Variants in STK39 observed in about 807,000 individuals in gnomAD.
STK39 encodes serine/threonine kinase 39.
In STK39, 20 loss-of-function variants were observed where a neutral mutation model predicts 77.8. The ratio of observed to expected loss-of-function variants is 0.26; its 90% CI spans 0.18 to 0.37. The LOEUF is 0.37. Among genes scored for constraint, STK39 ranks in the 10% least tolerant of loss-of-function variants. STK39 has a pLI of 1.00. For missense variants in STK39, 479 were observed against 656.5 expected (o/e 0.73, Z 2.95); for synonymous variants, 246 against 234.1 (o/e 1.05, Z -0.47).
At chr2:168,173,774 C>G (rs1453045264) in intron 2 of STK39, among the ~76,000 whole-genome samples, 1 of 152,152 alleles carries the variant, frequency 6.6e-6, no homozygotes, top group Non-Finnish European at 1.5e-5. Flanking sequence ...GTCTTGAACT[C>G]CTGACCTCAG....
intron 17 of STK39, among the ~76,000 whole-genome samples, chr2:167,956,948 C>T (rs1416757011): frequency 6.6e-6 from 1 of 151,984 alleles, no homozygotes; most frequent in Non-Finnish European, 1.5e-5. Flanking sequence ...GGAAACGTGC[C>T]CTTTCCAATC....
intron 1 of STK39, among the ~76,000 whole-genome samples, chr2:168,244,711 T>A (rs1449705905): frequency 6.6e-6 from 1 of 152,232 alleles, no homozygotes; most frequent in Non-Finnish European, 1.5e-5. Flanking sequence ...TCCAGCAATT[T>A]GATTTTTCAA....
At chr2:168,166,239 T>C (rs1167546354) in intron 3 of STK39, among the ~76,000 whole-genome samples, 3 of 152,154 alleles carry the variant, frequency 2.0e-5, no homozygotes, top group African/African-American at 7.2e-5. Flanking sequence ...GAAGATTAAA[T>C]GGGATAAGGT....
At chr2:168,071,728 G>A (rs1166242686) in intron 12 of STK39, among the ~76,000 whole-genome samples, 3 of 152,032 alleles carry the variant, frequency 2.0e-5, no homozygotes, top group Non-Finnish European at 4.4e-5. Context: ...AATTAGCTAG[G>A]CATGGTGGCA....
chr2:168,051,548 T>C (rs1439498998), intron 14 of STK39, among the ~76,000 whole-genome samples: 1 of 152,180 alleles, frequency 6.6e-6, no homozygotes, highest in Non-Finnish European at 1.5e-5. Context: ...TGGTCTACCA[T>C]GCAAGACTGA....
chr2:167,986,254 C>T (rs549241819), intron 16 of STK39, among the ~76,000 whole-genome samples: 9 of 152,166 alleles, frequency 5.9e-5, no homozygotes, highest in South Asian at 4.1e-4. Flanking sequence ...TTTGAAAGAA[C>T]GACAGGAGAA....
At chr2:168,085,178 T>C (rs1207389833) in intron 10 of STK39, among the ~76,000 whole-genome samples, 1 of 152,260 alleles carries the variant, frequency 6.6e-6, no homozygotes, top group Non-Finnish European at 1.5e-5. Context: ...CCTAAACTTT[T>C]GCTGGCAGGA....
intron 2 of STK39, among the ~76,000 whole-genome samples, chr2:168,173,781 T>G (rs2222152): frequency 0.16 from 24,768 of 152,148 alleles, 2,060 homozygotes; most frequent in East Asian, 0.25. Flanking sequence ...ACTCCTGACC[T>G]CAGGTGATCC....
chr2:167,965,993 C>A (rs1320509739), intron 16 of STK39, among the ~76,000 whole-genome samples: 1 of 152,168 alleles, frequency 6.6e-6, no homozygotes, highest in East Asian at 1.9e-4. Flanking sequence ...TGGCCTATTT[C>A]TCTTTATAAA....
intron 16 of STK39, among the ~76,000 whole-genome samples, chr2:167,966,791 A>C (rs1424377775): frequency 6.6e-6 from 1 of 152,226 alleles, no homozygotes; most frequent in East Asian, 1.9e-4. Flanking sequence ...CAAAGTAAAA[A>C]TAAGCAAAAC....
intron 1 of STK39, among the ~76,000 whole-genome samples, chr2:168,239,830 G>A (rs1199400038): frequency 1.3e-5 from 2 of 152,224 alleles, no homozygotes; most frequent in Admixed American, 1.3e-4. Flanking sequence ...CTGCCAGGGA[G>A]CGAAAGACCC....
chr2:168,231,894 TG>T (rs1559157897), intron 1 of STK39: 4 of 234,840 alleles, frequency 1.7e-5, no homozygotes. Context: ...CAGCTTGATG[TG>T]GGGGGAGGAA....
At chr2:168,162,018 G>C (rs1688584989) in intron 4 of STK39, among the ~76,000 whole-genome samples, 176 bp from the exon 5 acceptor site, 1 of 152,160 alleles carries the variant, frequency 6.6e-6, no homozygotes, top group Non-Finnish European at 1.5e-5. Flanking sequence ...GGGCACAGTG[G>C]CTCACGCCTG....
At chr2:168,061,807 C>T (rs1356665268) in intron 14 of STK39, among the ~76,000 whole-genome samples, 1 of 152,166 alleles carries the variant, frequency 6.6e-6, no homozygotes, top group Non-Finnish European at 1.5e-5. Context: ...TAAGGGAACA[C>T]ATTTGTCATA....
chr2:168,108,263 A>G (rs1436946165), intron 10 of STK39, among the ~76,000 whole-genome samples: 1 of 152,218 alleles, frequency 6.6e-6, no homozygotes, highest in East Asian at 1.9e-4. Flanking sequence ...ACTGCAGGCA[A>G]GAAACAACAT....
At chr2:168,210,652 T>C (rs893459766) in intron 1 of STK39, among the ~76,000 whole-genome samples, 18 of 152,310 alleles carry the variant, frequency 1.2e-4, no homozygotes, top group Admixed American at 9.2e-4. Flanking sequence ...CCCTAGGAAC[T>C]GGGACCACAG....
chr2:168,217,661 T>C (rs1690059726), intron 1 of STK39, among the ~76,000 whole-genome samples: 1 of 152,206 alleles, frequency 6.6e-6, no homozygotes, highest in South Asian at 2.1e-4. Flanking sequence ...TATACTTTAA[T>C]CATGTCTAGA....
chr2:168,050,637 C>A (rs1307729686), intron 14 of STK39, among the ~76,000 whole-genome samples: 1 of 152,094 alleles, frequency 6.6e-6, no homozygotes, highest in African/African-American at 2.4e-5. Context: ...ATGCAGGCTA[C>A]CTCTACAAGC....
intron 7 of STK39, 66 bp downstream of exon 7, chr2:168,140,223 G>C: frequency 7.6e-7 from 1 of 1,323,754 alleles, no homozygotes; most frequent in Non-Finnish European, 1.1e-6. Flanking sequence ...ATGTTGAAGA[G>C]AATTAGAAAA....
Sources: allele counts gnomAD v4.1 joint callset (sites outside exome capture counted in the v4.1 genomes callset), GRCh38; gene constraint gnomAD v4.1.1; transcripts MANE v1.5; gene names NCBI Gene and HGNC (gene_info 2026-07-23, HGNC 2026-07-21).